RYR3: variants seen among roughly 807,000 people sequenced by gnomAD.
The protein encoded by RYR3 is brain ryanodine receptor-calcium release channel.
A neutral mutation model predicts 584.3 loss-of-function variants in RYR3; 207 were observed. The ratio of observed to expected loss-of-function variants is 0.35; its 90% CI spans 0.32 to 0.40. RYR3 has a LOEUF of 0.40. RYR3 is among the 10% of genes least tolerant of loss of function. The pLI, the probability that RYR3 is intolerant of heterozygous loss-of-function variation, is 1.00. For synonymous variants in RYR3, 2,416 were observed against 2,248.5 expected (o/e 1.07, Z -2.11); for missense variants, 5,616 against 6,089.2 (o/e 0.92, Z 2.59).
intron 12 of RYR3, among the ~76,000 whole-genome samples, chr15:33,576,861 G>GA (rs1484907436): frequency 6.6e-6 from 1 of 152,158 alleles, no homozygotes; most frequent in Non-Finnish European, 1.5e-5. Context: ...CCTGTATCTA[G>GA]AAAACCCCAT....
rs369222777 is a variant in RYR3 at position 33,503,733 on chromosome 15, G to A, written c.274G>A (p.Glu92Lys). ...TGCCAACACAGGTGAAAATGGCGGC[G>A]AAGGGGTGAGTACCCGAATTGTGTC... ...MLANTGENGGEGAAQGGGHRT... is the reference protein window; with the variant it reads ...MLANTGENGGKGAAQGGGHRT... The change falls in exon 3 of 104, where the codon GAA (glutamate) becomes AAA (lysine). Residue 92 changes from glutamate (E) to lysine (K), a missense_variant. By Grantham distance (56) the Glu-to-Lys change is moderately conservative. This residue lies in a region of RYR3 where 1,284 missense variants were observed against 1,344.6 expected (regional missense o/e 0.95). Coordinates refer to ENST00000634891, the MANE Select transcript of RYR3 (RefSeq NM_001036.6). 240 of 1,602,922 alleles carry A rather than the reference G, an allele frequency of 1.5e-4. No homozygotes were observed. The highest frequency in any genetic ancestry group is 2.2e-4 in the East Asian group (10 of 44,716).
At chr15:33,354,782 A>G (rs1973735474) in intron 1 of RYR3, among the ~76,000 whole-genome samples, 1 of 152,218 alleles carries the variant, frequency 6.6e-6, no homozygotes, top group Non-Finnish European at 1.5e-5. Flanking sequence ...TTTCCTTAGC[A>G]ATTCACAAGT....
At position 33,865,666 on chromosome 15, in the gene RYR3, C is replaced by CTAAT. The variant is rs201070973; in HGVS notation, c.*442_*445dup. On this transcript the variant is annotated 3_prime_UTR_variant, in exon 104 of 104. Transcript: ENST00000634891. The stretch of plus-strand genomic sequence containing the variant: ...CACTCCAAAAGATAATAACTGCAGT[C>CTAAT]TAATTTTTCCCATGGTACTTGCTAG... The CTAAT allele has an allele frequency of 0.039, 6,157 of 156,778 alleles. 270 individuals are homozygous for CTAAT. Among genetic ancestry groups the CTAAT allele is most frequent in the East Asian group, 0.24 (1,285 of 5,262 alleles). 9.7% of individuals were successfully genotyped at this position (156,778 alleles called of 1,614,324 possible).
At chr15:33,595,315 A>T (rs1177510412) in intron 16 of RYR3, among the ~76,000 whole-genome samples, 1 of 152,202 alleles carries the variant, frequency 6.6e-6, no homozygotes, top group Non-Finnish European at 1.5e-5. Flanking sequence ...AAACTTTTAT[A>T]AACAATTTAT....
intron 1 of RYR3, among the ~76,000 whole-genome samples, chr15:33,458,388 C>T (rs2047738640): frequency 6.6e-6 from 1 of 152,162 alleles, no homozygotes; most frequent in Non-Finnish European, 1.5e-5. Flanking sequence ...GCTCCTGGTT[C>T]TTGGAACTTT....
At chr15:33,768,982 C>A (rs1410281479) in intron 61 of RYR3, 130 bp from the exon 62 acceptor site, 2 of 766,254 alleles carry the variant, frequency 2.6e-6, no homozygotes, top group Non-Finnish European at 4.6e-6. Flanking sequence ...TGTCGCTGAA[C>A]ACAGGCCCAG....
intron 14 of RYR3, among the ~76,000 whole-genome samples, chr15:33,581,850 C>T (rs1163130426): frequency 6.6e-6 from 1 of 152,162 alleles, no homozygotes; most frequent in Non-Finnish European, 1.5e-5. Flanking sequence ...TAATCAGTTT[C>T]CCTGTAACTA....
At chr15:33,679,456 G>C (rs1385211170) in intron 38 of RYR3, among the ~76,000 whole-genome samples, 1 of 152,190 alleles carries the variant, frequency 6.6e-6, no homozygotes, top group Non-Finnish European at 1.5e-5. Context: ...GCATTAAAAT[G>C]TGGTGGTAAA....
At position 33,387,825 on chromosome 15, in the gene RYR3, G is replaced by T. The variant is rs146687552; in HGVS notation, c.51+76729G>T. ...ATAATGTTTTTTAAAGTACTGAAAG[G>T]GTAGATGATTTTGAGGCAGGTATAA... is the stretch of plus-strand genomic sequence containing the variant. On this transcript the variant is annotated intron_variant, in intron 1 of 103. Coordinates refer to ENST00000634891, the MANE Select transcript of RYR3 (RefSeq NM_001036.6). Among the ~76,000 whole-genome samples the T allele has an allele frequency of 1.6e-3, 240 of 152,030 alleles. 1 individual carries two copies. Among genetic ancestry groups the T allele is most frequent in the African/African-American group, 5.4e-3 (223 of 41,490 alleles).
intron 1 of RYR3, among the ~76,000 whole-genome samples, chr15:33,408,914 A>G (rs1330638175): frequency 2.0e-4 from 30 of 152,050 alleles, no homozygotes; most frequent in Admixed American, 2.0e-3. Context: ...TCATCTACTT[A>G]GAGTGATCTA....
intron 38 of RYR3, among the ~76,000 whole-genome samples, chr15:33,673,892 T>C (rs149913885): frequency 5.8e-4 from 89 of 152,360 alleles, no homozygotes; most frequent in African/African-American, 2.1e-3. Context: ...AACTGAGTTA[T>C]AGGTGAGCAT....
Position 33,826,656 on chromosome 15 carries a change from G to A in RYR3, c.11165-16G>A, listed in dbSNP as rs748113452. On this transcript the variant is annotated splice_polypyrimidine_tract_variant and intron_variant, in intron 83 of 103. Coordinates refer to ENST00000634891, the MANE Select transcript of RYR3 (RefSeq NM_001036.6). ...AGAAGCCAAACCAATGCTCATCAAC[G>A]TTCTGTGTTTTCAAGGTGAAAAAGT... 3.1e-6 allele frequency: 5 copies of A among 1,606,928 alleles called. No individual in the cohort carries two copies. Among genetic ancestry groups the A allele is most frequent in the African/African-American group, 1.3e-5 (1 of 74,760 alleles).
intron 3 of RYR3, among the ~76,000 whole-genome samples, chr15:33,505,717 C>G (rs559881853): frequency 2.0e-5 from 3 of 152,310 alleles, no homozygotes; most frequent in African/African-American, 7.2e-5. Flanking sequence ...TGGTCTTGAT[C>G]TCCTGACCTC....
intron 1 of RYR3, among the ~76,000 whole-genome samples, chr15:33,408,388 CTT>C (rs1375800349): frequency 6.6e-6 from 1 of 152,184 alleles, no homozygotes; most frequent in Non-Finnish European, 1.5e-5. Flanking sequence ...TCCACATCAT[CTT>C]TATCCAGTCC....
chr15:33,460,489 C>T (rs1185228602), intron 1 of RYR3, among the ~76,000 whole-genome samples: 1 of 152,138 alleles, frequency 6.6e-6, no homozygotes, highest in Non-Finnish European at 1.5e-5. Flanking sequence ...CCACTACTTA[C>T]TAAATTTGAA....
intron 2 of RYR3, among the ~76,000 whole-genome samples, chr15:33,500,813 G>A (rs918896022): frequency 6.6e-6 from 1 of 152,188 alleles, no homozygotes; most frequent in Admixed American, 6.5e-5. Context: ...GAGTGTGGAG[G>A]TGGGAGTTCA....
chr15:33,655,940 G>A (rs557648649), intron 32 of RYR3, among the ~76,000 whole-genome samples: 1 of 152,276 alleles, frequency 6.6e-6, no homozygotes, highest in African/African-American at 2.4e-5. Context: ...ATGAGAGAAG[G>A]AGTCTCTCAA....
intron 98 of RYR3, chr15:33,856,004 C>G (rs937850100): frequency 6.6e-6 from 1 of 152,134 alleles, no homozygotes; most frequent in African/African-American, 2.4e-5. Context: ...TACAGTGTGC[C>G]AAGCTCATGC....
At chr15:33,579,095 G>A (rs1055479281) in intron 12 of RYR3, among the ~76,000 whole-genome samples, 4 of 152,164 alleles carry the variant, frequency 2.6e-5, no homozygotes, top group African/African-American at 9.7e-5. Context: ...AGAGATGGAA[G>A]GGCAGGTAAC....
Sources: gnomAD v4.1 joint callset for allele counts (sites outside exome capture counted in the v4.1 genomes callset) on GRCh38, gnomAD v4.1.1 for gene constraint, gnomAD v4.1.1 regional missense constraint, MANE v1.5 for transcripts, NCBI Gene and HGNC (gene_info 2026-07-23, HGNC 2026-07-21) for gene names.